The following SPTBN4 variants were observed in gnomAD, a reference collection of about 807,000 sequenced individuals.
The protein encoded by SPTBN4 is spectrin beta, non-erythrocytic 4, also known as spectrin beta chain, non-erythrocytic 4.
Under a neutral mutation model 277.8 loss-of-function variants are expected in SPTBN4, and 96 were observed. The observed-to-expected ratio is 0.35, with a 90% confidence interval of 0.29 to 0.41. The LOEUF (loss-of-function observed/expected upper bound fraction) is 0.41. Ranked by LOEUF, SPTBN4 falls within the 10% of genes least tolerant of loss-of-function variation. SPTBN4 has a pLI of 1.00. For missense variants in SPTBN4, 3,006 were observed against 3,595.7 expected, an observed-to-expected ratio of 0.84 and a Z score of 4.19; for synonymous variants, 1,481 against 1,580.3, an observed-to-expected ratio of 0.94 and a Z score of 1.49.
chr19:40,472,162 G>A (rs2079892491), intron 1 of SPTBN4, among the ~76,000 whole-genome samples: 1 of 152,024 alleles, frequency 6.6e-6, no homozygotes, highest in African/African-American at 2.4e-5. Context: ...GCCCGCCTCT[G>A]CCTCCCAAAG....
chr19:40,536,360 T>C (rs2080736190), intron 20 of SPTBN4, among the ~76,000 whole-genome samples: 1 of 152,058 alleles, frequency 6.6e-6, no homozygotes, highest in Non-Finnish European at 1.5e-5. Context: ...ATTACAGGCA[T>C]GTGCCACCAC....
chr19:40,501,816 G>T, intron 7 of SPTBN4, 105 bp from the exon 8 acceptor site: 2 of 897,942 alleles, frequency 2.2e-6, no homozygotes, highest in Non-Finnish European at 3.6e-6. Flanking sequence ...CTTGCCCAAG[G>T]TCACACAGCT....
Position 40,574,115 on chromosome 19 carries a change from CAAACAAAACA to C in SPTBN4, c.7537-1272_7537-1263del, listed in dbSNP as rs139015416. Among the ~76,000 whole-genome samples the C allele has an allele frequency of 2.8e-3, 426 of 150,294 alleles. 2 individuals carry two copies. The highest frequency in any genetic ancestry group is 0.01 in the Middle Eastern group (3 of 292). Reference sequence around the variant, plus strand: ...AGACTCCATCTCAAAACAAAACAAACAAACAAAACAAAACAAAACAAAACAAAACAAAAAA... The same window carrying C: ...AGACTCCATCTCAAAACAAAACAAACAAACAAAACAAAACAAAACAAAAAA... On this transcript the variant is annotated intron_variant, in intron 35 of 35. Transcript: ENST00000598249.
rs772493928 is a variant in SPTBN4 at position 40,572,302 on chromosome 19, C to A, written c.7494-36C>A. The A allele has an allele frequency of 3.1e-6, 5 of 1,612,892 alleles. No individual in the cohort carries two copies. The South Asian group carries it at 5.5e-5, about 18-fold the overall frequency. On this transcript the variant is annotated intron_variant, in intron 34 of 35. Transcript: ENST00000598249. ...GGTGGGCAGGTGGGCTGGGCCCCTT[C>A]CCCAGATCTCTGAAGTCCTGTGTCC...
At chr19:40,484,626 C>CT (rs1453615811) in intron 2 of SPTBN4, among the ~76,000 whole-genome samples, 1 of 152,002 alleles carries the variant, frequency 6.6e-6, no homozygotes, top group Non-Finnish European at 1.5e-5. Context: ...TTTTCTTTTT[C>CT]TTTTTTAAAC....
intron 2 of SPTBN4, among the ~76,000 whole-genome samples, chr19:40,476,329 T>C (rs1387392499): frequency 2.9e-5 from 3 of 105,090 alleles, no homozygotes; most frequent in Non-Finnish European, 5.6e-5. Flanking sequence ...TGGGCGTCAA[T>C]AGCAAAACTC....
Position 40,554,837 on chromosome 19 carries a change from G to A in SPTBN4, c.5084+191G>A. On this transcript the variant is annotated intron_variant, in intron 24 of 35. Coordinates refer to ENST00000598249, the MANE Select transcript of SPTBN4 (RefSeq NM_020971.3). This position sits in a 1 kb window ranked among gnomAD's most constrained non-coding sequence, Gnocchi z 5.7. ...ACGGCTCAGGGATGGTTGAGAGGGT[G>A]GGGCCAGGAGCACCTGGATTTGAGT... The A allele has an allele frequency of 1.3e-6, 1 of 774,334 alleles. No individual in the cohort carries two copies. The highest frequency in any genetic ancestry group is 2.0e-6 in the Non-Finnish European group (1 of 493,282). 48.0% of individuals were successfully genotyped at this position (774,334 alleles called of 1,614,324 possible). A position where few individuals can be genotyped will look rare whatever the true frequency, so the allele number is the denominator to read the frequency against.
At chr19:40,568,575 C>T (rs2081120382) in intron 31 of SPTBN4, among the ~76,000 whole-genome samples, 1 of 152,190 alleles carries the variant, frequency 6.6e-6, no homozygotes, top group South Asian at 2.1e-4. Flanking sequence ...CCGGGTGCCC[C>T]GAGGCAGGGA....
Position 40,549,296 on chromosome 19 carries a change from G to C in SPTBN4, c.4467G>C (p.Arg1489=). 1 of 1,542,698 alleles carries C rather than the reference G, an allele frequency of 6.5e-7. No individual in the cohort carries two copies. The highest frequency in any genetic ancestry group is 8.7e-7 in the Non-Finnish European group (1 of 1,146,144). ...EPASKELVGE[R]QNAVGERLVR... Reference sequence around the variant, plus strand: ...CGAGCAAGGAGCTGGTGGGTGAGCGGCAGAACGCGGTGGGCGAGCGCCTGG... The same window carrying C: ...CGAGCAAGGAGCTGGTGGGTGAGCGCCAGAACGCGGTGGGCGAGCGCCTGG... Residue 1489 remains arginine, a synonymous_variant, in exon 21 of 36, where the codon CGG becomes CGC. Coordinates refer to ENST00000598249, the MANE Select transcript of SPTBN4 (RefSeq NM_020971.3).
At chr19:40,545,634 G>A (rs1017547381) in intron 20 of SPTBN4, among the ~76,000 whole-genome samples, 1 of 152,018 alleles carries the variant, frequency 6.6e-6, no homozygotes, top group Non-Finnish European at 1.5e-5. Flanking sequence ...TTGGCCAGGC[G>A]CAGTGGCTCA....
intron 15 of SPTBN4, among the ~76,000 whole-genome samples, chr19:40,516,003 G>A (rs1257175849): frequency 1.5e-5 from 2 of 137,004 alleles, no homozygotes; most frequent in East Asian, 2.1e-4. Context: ...ACATATATAC[G>A]TATATATACA....
In SPTBN4 at chr19:40,503,810, T is replaced by C. The variant is rs1407655812; in HGVS notation, c.1363-20T>C. ...GGACTGCTGAGGCAGCATGGGTGAG[T>C]GTCTGGCTCACTGCCCCAGGACAAC... is the stretch of plus-strand genomic sequence containing the variant. On this transcript the variant is annotated intron_variant, in intron 11 of 35. Coordinates refer to ENST00000598249, the MANE Select transcript of SPTBN4 (RefSeq NM_020971.3). 1 of 1,561,222 alleles carries C rather than the reference T, an allele frequency of 6.4e-7. No individual in the cohort carries two copies. The highest frequency in any genetic ancestry group is 8.7e-7 in the Non-Finnish European group (1 of 1,149,666).
chr19:40,518,349 C>T (rs549818464), intron 15 of SPTBN4, among the ~76,000 whole-genome samples: 7 of 152,178 alleles, frequency 4.6e-5, no homozygotes, highest in Middle Eastern at 6.8e-3. Context: ...TTGAGGACCC[C>T]AAGAGCTTGT....
chr19:40,549,445 GGGGC>G, intron 21 of SPTBN4, 32 bp downstream of exon 21: 2 of 1,276,348 alleles, frequency 1.6e-6, no homozygotes, highest in Non-Finnish European at 2.1e-6. Flanking sequence ...GGGGCGGGGC[GGGGC>G]GGGGCGGTGG....
chr19:40,553,491 G>A (rs190371995), intron 22 of SPTBN4, among the ~76,000 whole-genome samples: 6 of 152,198 alleles, frequency 3.9e-5, no homozygotes, highest in Non-Finnish European at 7.4e-5. Context: ...AGGACTTGCT[G>A]GCTGTTATTA....
rs1399598317 is a variant in SPTBN4, at chr19:40,502,858, A to G, written c.1287A>G (p.Leu429=). The G allele has an allele frequency of 3.1e-6, 5 of 1,613,762 alleles. No homozygotes were observed. The highest frequency in any genetic ancestry group is 1.3e-5 in the African/African-American group (1 of 74,908). Residue 429 remains leucine, a synonymous_variant, in exon 11 of 36, where the codon CTA becomes CTG. Coordinates refer to ENST00000598249, the MANE Select transcript of SPTBN4 (RefSeq NM_020971.3). This position sits in a 1 kb window ranked among gnomAD's most constrained non-coding sequence, Gnocchi z 4.9. ...TGATTCGGCAGGAGAAGCTGGAACT[A>G]CTGGCACAGAGGTTTGACCACAAGG... The part of the protein sequence containing the change: ...AELIRQEKLE[L]LAQRFDHKVA...
chr19:40,568,540 G>A (rs1599822601), intron 31 of SPTBN4, among the ~76,000 whole-genome samples: 1 of 152,338 alleles, frequency 6.6e-6, no homozygotes, highest in African/African-American at 2.4e-5. Context: ...TCGGCCCCTG[G>A]GTTGTGACTC....
intron 2 of SPTBN4, among the ~76,000 whole-genome samples, chr19:40,479,286 T>C (rs1396415863): frequency 6.6e-6 from 1 of 152,116 alleles, no homozygotes; most frequent in African/African-American, 2.4e-5. Flanking sequence ...AGACCCTGTC[T>C]CTATCAATGT....
intron 2 of SPTBN4, among the ~76,000 whole-genome samples, chr19:40,473,991 T>TAA (rs200222190): frequency 4.9e-5 from 7 of 143,254 alleles, no homozygotes; most frequent in South Asian, 2.2e-4. Context: ...AAAATAAAAA[T>TAA]AAAAAAAAAA....
Sources: allele counts gnomAD v4.1 joint callset (sites outside exome capture counted in the v4.1 genomes callset), GRCh38; gene constraint gnomAD v4.1.1; non-coding constraint Gnocchi (gnomAD v3.1); transcripts MANE v1.5; gene names NCBI Gene and HGNC (gene_info 2026-07-23, HGNC 2026-07-21).